KCNIP4: variants seen among roughly 807,000 people sequenced by gnomAD.
KCNIP4 encodes Kv channel-interacting protein 4.
Under a neutral mutation model 34.0 loss-of-function variants are expected in KCNIP4, and 12 were observed. The ratio of observed to expected loss-of-function variants is 0.35; its 90% confidence interval spans 0.23 to 0.57. The LOEUF is 0.57. KCNIP4 is among the 20% of genes least tolerant of loss of function. The pLI, the probability that KCNIP4 is intolerant of heterozygous loss-of-function variation, is 0.83. For synonymous variants in KCNIP4, 124 were observed against 102.2 expected (o/e 1.21, Z -1.29); for missense variants, 238 against 311.7 (o/e 0.76, Z 1.78).
At chr4:21,136,684 C>G (rs1251064653) in intron 1 of KCNIP4, among the ~76,000 whole-genome samples, 2 of 152,124 alleles carry the variant, frequency 1.3e-5, no homozygotes, top group African/African-American at 4.8e-5. Flanking sequence ...GAGTCCTCCT[C>G]CAGTCCAAGC....
chr4:21,578,332 CAAA>C (rs71191522), intron 1 of KCNIP4, among the ~76,000 whole-genome samples: 4 of 75,126 alleles, frequency 5.3e-5, no homozygotes, highest in Admixed American at 1.7e-4. Flanking sequence ...GACTCCGTCT[CAAA>C]AAAAAAAAAA....
intron 1 of KCNIP4, among the ~76,000 whole-genome samples, chr4:21,548,020 T>C (rs1030152099): frequency 6.6e-6 from 1 of 152,132 alleles, no homozygotes; most frequent in African/African-American, 2.4e-5. Flanking sequence ...TGAATTTATA[T>C]GCTATTAATA....
At chr4:20,746,701 A>C (rs1752495362) in intron 5 of KCNIP4, among the ~76,000 whole-genome samples, 1 of 152,160 alleles carries the variant, frequency 6.6e-6, no homozygotes, top group Non-Finnish European at 1.5e-5. Flanking sequence ...GCTAAGGTTA[A>C]GAAGGTTAAG....
chr4:21,818,319 G>A (rs1211386974), intron 1 of KCNIP4, among the ~76,000 whole-genome samples: 3 of 152,098 alleles, frequency 2.0e-5, no homozygotes, highest in Non-Finnish European at 4.4e-5. Flanking sequence ...AAATCCCCAG[G>A]GGGTAACCCC....
At chr4:21,153,012 G>T (rs922896196) in intron 1 of KCNIP4, among the ~76,000 whole-genome samples, 1 of 152,076 alleles carries the variant, frequency 6.6e-6, no homozygotes, top group African/African-American at 2.4e-5. Flanking sequence ...TTTTACAATG[G>T]CTGTGAATGG....
chr4:20,945,987 G>T (rs1577411070), intron 1 of KCNIP4, among the ~76,000 whole-genome samples: 2 of 152,240 alleles, frequency 1.3e-5, no homozygotes, highest in Admixed American at 6.5e-5. Context: ...AGAGAAAGAG[G>T]ATAAACGTAA....
chr4:20,761,438 A>G (rs968063772), intron 3 of KCNIP4, among the ~76,000 whole-genome samples: 3 of 152,182 alleles, frequency 2.0e-5, no homozygotes, highest in African/African-American at 4.8e-5. Context: ...GCTGACACCA[A>G]TGGACCCATT....
chr4:21,312,509 C>G (rs1281026347), intron 1 of KCNIP4, among the ~76,000 whole-genome samples: 1 of 152,206 alleles, frequency 6.6e-6, no homozygotes, highest in African/African-American at 2.4e-5. Context: ...ATTCTCCCAG[C>G]TCTTCAAAAC....
intron 1 of KCNIP4, among the ~76,000 whole-genome samples, chr4:21,926,099 C>T (rs138642139): frequency 3.9e-5 from 6 of 152,170 alleles, no homozygotes. Context: ...TTTTAATTGA[C>T]TAAAGATAGC....
At chr4:21,862,689 A>T (rs2109353091) in intron 1 of KCNIP4, among the ~76,000 whole-genome samples, 1 of 152,298 alleles carries the variant, frequency 6.6e-6, no homozygotes, top group African/African-American at 2.4e-5. Flanking sequence ...AACAGAATTA[A>T]GGGGCCCAGC....
chr4:21,661,592 G>A (rs1351775985), intron 1 of KCNIP4, among the ~76,000 whole-genome samples: 1 of 152,154 alleles, frequency 6.6e-6, no homozygotes, highest in African/African-American at 2.4e-5. Flanking sequence ...GTTCTCAGAG[G>A]TAGTTGTTAT....
chr4:20,769,451 C>T (rs1027836091), intron 3 of KCNIP4, among the ~76,000 whole-genome samples: 1 of 152,058 alleles, frequency 6.6e-6, no homozygotes, highest in Non-Finnish European at 1.5e-5. Context: ...AAGACAGTGT[C>T]CATTTTGTCA....
rs1382167459 is a variant in KCNIP4, at chr4:21,810,818, G to A, written c.61+137753C>T. ...GCTAGGCTAGTGTATTCCCCAAAGAGAGGCAATGGATTCCCTTATACATCA... is the reference window on the plus strand; with the variant it reads ...GCTAGGCTAGTGTATTCCCCAAAGAAAGGCAATGGATTCCCTTATACATCA... On this transcript the variant is annotated intron_variant, in intron 1 of 8. Coordinates refer to ENST00000382152, the MANE Select transcript of KCNIP4 (RefSeq NM_025221.6). Among the ~76,000 whole-genome samples, 147 of 151,734 alleles carry A rather than the reference G, an allele frequency of 9.7e-4. 2 individuals carry two copies. Among genetic ancestry groups the A allele is most frequent in the Admixed American group, 9.4e-3 (144 of 15,240 alleles).
intron 2 of KCNIP4, among the ~76,000 whole-genome samples, chr4:20,879,330 A>T (rs1287777602): frequency 1.3e-5 from 2 of 152,190 alleles, no homozygotes; most frequent in African/African-American, 4.8e-5. Flanking sequence ...CCAATCAGGT[A>T]GCTCGATGGG....
At chr4:21,304,157 G>A (rs1413978200) in intron 1 of KCNIP4, 1 of 188,644 alleles carries the variant, frequency 5.3e-6, no homozygotes, top group Non-Finnish European at 9.8e-6. Flanking sequence ...AGACTAGATG[G>A]AGATGGAGAG....
At position 21,676,985 on chromosome 4, in the gene KCNIP4, GAA is replaced by G. The variant is rs35394005; in HGVS notation, c.61+271584_61+271585del. ...TCAATCTTCTAAAGTATATGTTCCAGAAAAAAAAAAAAAACATGGTGCACTAA... is the reference window on the plus strand; with the variant it reads ...TCAATCTTCTAAAGTATATGTTCCAGAAAAAAAAAAAACATGGTGCACTAA... On this transcript the variant is annotated intron_variant, in intron 1 of 8. Coordinates refer to ENST00000382152, the MANE Select transcript of KCNIP4 (RefSeq NM_025221.6). Among the ~76,000 whole-genome samples, 327 of 141,540 alleles carry G rather than the reference GAA, an allele frequency of 2.3e-3. 1 individual carries two copies. Among genetic ancestry groups the G allele is most frequent in the African/African-American group, 6.5e-3 (256 of 39,124 alleles). 92.9% of individuals were successfully genotyped at this position (141,540 alleles called of 152,430 possible).
At chr4:21,707,834 C>T (rs1713403209) in intron 1 of KCNIP4, among the ~76,000 whole-genome samples, 1 of 151,660 alleles carries the variant, frequency 6.6e-6, no homozygotes, top group African/African-American at 2.4e-5. Flanking sequence ...AGTTTCCAGT[C>T]ATAGATTTAT....
intron 2 of KCNIP4, among the ~76,000 whole-genome samples, chr4:20,853,956 C>A (rs1721305637): frequency 6.6e-6 from 1 of 152,176 alleles, no homozygotes; most frequent in Non-Finnish European, 1.5e-5. Flanking sequence ...CTGCCTTACT[C>A]CTCCAACAAT....
At chr4:21,678,544 T>C (rs1279406486) in intron 1 of KCNIP4, among the ~76,000 whole-genome samples, 1 of 152,266 alleles carries the variant, frequency 6.6e-6, no homozygotes, top group East Asian at 1.9e-4. Flanking sequence ...ATAATCTGTT[T>C]CCCTTTGCCT....
Sources: gnomAD v4.1 joint callset for allele counts (sites outside exome capture counted in the v4.1 genomes callset) on GRCh38, gnomAD v4.1.1 for gene constraint, MANE v1.5 for transcripts, NCBI Gene and HGNC (gene_info 2026-07-23, HGNC 2026-07-21) for gene names.